The following SSPN variants were observed in gnomAD, a reference collection of about 807,000 sequenced individuals.
SSPN encodes the protein sarcospan.
Under a neutral mutation model 19.1 loss-of-function variants are expected in SSPN, and 15 were observed. The observed-to-expected ratio is 0.78, with a 90% CI of 0.52 to 1.21. The LOEUF is 1.21. SSPN is among the 50% of genes most tolerant of loss of function. SSPN has a pLI of 0.00. For synonymous variants in SSPN, 147 were observed against 140.3 expected (o/e 1.05, Z -0.34); for missense variants, 291 against 314.0 (o/e 0.93, Z 0.55).
chr12:26,142,355 CA>C (rs1565670806), intron 1 of SSPN, among the ~76,000 whole-genome samples: 1 of 152,076 alleles, frequency 6.6e-6, no homozygotes, highest in African/African-American at 2.4e-5. Context: ...AGGACAGTAA[CA>C]GTGAAAATGG....
chr12:26,162,930 T>C (rs145845050), intron 1 of SSPN, among the ~76,000 whole-genome samples: 1 of 152,062 alleles, frequency 6.6e-6, no homozygotes, highest in Admixed American at 6.6e-5. Flanking sequence ...ATTAAGTTGA[T>C]GAATTGGTAG....
intron 1 of SSPN, among the ~76,000 whole-genome samples, chr12:26,146,630 C>G (rs982928186): frequency 1.3e-5 from 2 of 152,074 alleles, no homozygotes; most frequent in African/African-American, 4.8e-5. Context: ...CAAGACCAGC[C>G]TGGCCAACAT....
chr12:26,145,979 G>A (rs1322818305), intron 1 of SSPN, among the ~76,000 whole-genome samples: 2 of 152,082 alleles, frequency 1.3e-5, no homozygotes, highest in Non-Finnish European at 2.9e-5. Context: ...TTCCTATGTC[G>A]ACCATTGCCC....
At chr12:26,172,738 T>G (rs1944660875) in intron 1 of SSPN, among the ~76,000 whole-genome samples, 1 of 152,120 alleles carries the variant, frequency 6.6e-6, no homozygotes, top group African/African-American at 2.4e-5. Flanking sequence ...TTTTTAATCA[T>G]TCTGTTACAT....
chr12:26,206,745 G>A (rs1438870105), intron 1 of SSPN, among the ~76,000 whole-genome samples: 2 of 152,100 alleles, frequency 1.3e-5, no homozygotes, highest in African/African-American at 4.8e-5. Context: ...TAACAATTCT[G>A]CCCCTCCTGT....
chr12:26,223,813 AT>A (rs1945148350), intron 1 of SSPN, among the ~76,000 whole-genome samples: 1 of 152,212 alleles, frequency 6.6e-6, no homozygotes, highest in South Asian at 2.1e-4. Flanking sequence ...TATTCAGCTA[AT>A]GTTAGTAATC....
intron 1 of SSPN, among the ~76,000 whole-genome samples, chr12:26,216,262 G>T (rs1161086208): frequency 6.6e-6 from 1 of 152,158 alleles, no homozygotes; most frequent in Non-Finnish European, 1.5e-5. Context: ...TTCTCAAAAG[G>T]TTCATCCCAG....
rs113044706 is a variant in SSPN, at chr12:26,145,924, A to C, written c.-31+23772A>C. Reference sequence around the variant, plus strand: ...GTCAGGACTTTGTGGACCCATGTACACATGTTCACCCATTGGCCACTTGGA... The same window carrying C: ...GTCAGGACTTTGTGGACCCATGTACCCATGTTCACCCATTGGCCACTTGGA... On this transcript the variant is annotated intron_variant, in intron 1 of 2. Transcript: ENST00000538142. Among the ~76,000 whole-genome samples the C allele has an allele frequency of 4.8e-3, 726 of 152,278 alleles. 4 individuals are homozygous for C. The highest frequency in any genetic ancestry group is 0.016 in the African/African-American group (680 of 41,548).
rs550252730 is a variant in SSPN, at chr12:26,228,302, G to A, written c.367-2409G>A. ...TAGTCCCAGTTACTCAGGAGGCTGA[G>A]GCATGAGAATCGCTTCAACCCAGGA... On this transcript the variant is annotated intron_variant, in intron 2 of 2. Coordinates refer to ENST00000242729, the MANE Select transcript of SSPN (RefSeq NM_005086.5). Among the ~76,000 whole-genome samples the A allele has an allele frequency of 9.2e-5, 14 of 151,910 alleles. 1 individual carries two copies. The South Asian group carries it at 2.9e-3, about 32-fold the overall frequency.
intron 1 of SSPN, among the ~76,000 whole-genome samples, chr12:26,147,544 T>A (rs935856130): frequency 3.9e-5 from 6 of 152,180 alleles, no homozygotes; most frequent in African/African-American, 1.4e-4. Context: ...GTGCTGAGAT[T>A]ACCAGCGTGA....
chr12:26,203,642 T>G (rs1944905600), intron 1 of SSPN, among the ~76,000 whole-genome samples: 1 of 152,242 alleles, frequency 6.6e-6, no homozygotes, highest in Non-Finnish European at 1.5e-5. Context: ...AAAATTCATA[T>G]GTGTACACCT....
At chr12:26,204,862 G>T (rs558809051) in intron 1 of SSPN, among the ~76,000 whole-genome samples, 1 of 152,224 alleles carries the variant, frequency 6.6e-6, no homozygotes, top group East Asian at 1.9e-4. Context: ...CATAACAATT[G>T]GTCCAATCTC....
chr12:26,122,801 G>T (rs1201877816), intron 1 of SSPN: 3 of 1,592,838 alleles, frequency 1.9e-6, no homozygotes, highest in South Asian at 2.3e-5. Context: ...AGCCGCTGTC[G>T]GTGTCCGTGT....
At chr12:26,152,789 T>A (rs1944533166) in intron 1 of SSPN, among the ~76,000 whole-genome samples, 1 of 152,220 alleles carries the variant, frequency 6.6e-6, no homozygotes, top group Non-Finnish European at 1.5e-5. Flanking sequence ...CCCTTCAACG[T>A]CTTCCTGTTG....
At chr12:26,197,135 T>C (rs765944393) in intron 1 of SSPN, among the ~76,000 whole-genome samples, 77 of 152,270 alleles carry the variant, frequency 5.1e-4, no homozygotes, top group Non-Finnish European at 9.9e-4. Context: ...TGACTCCTTG[T>C]CTCATATTGC....
In SSPN at chr12:26,195,761, A is replaced by G. The variant is rs775132825; in HGVS notation, c.89A>G (p.Lys30Arg). The G allele has an allele frequency of 2.7e-6, 4 of 1,495,892 alleles. No individual in the cohort carries two copies. Among genetic ancestry groups the G allele is most frequent in the East Asian group, 5.6e-5 (2 of 35,558 alleles). 92.7% of individuals were successfully genotyped at this position (1,495,892 alleles called of 1,614,324 possible). ...DAAGPDDMEPKKGTGAPKECG... is the reference protein window; with the variant it reads ...DAAGPDDMEPRKGTGAPKECG... ...GCTGGGCCCGACGACATGGAGCCGA[A>G]GAAGGGCACGGGGGCCCCCAAGGAG... The change falls in exon 1 of 3, where the codon AAG (lysine) becomes AGG (arginine). Residue 30 changes from lysine (K) to arginine (R), a missense_variant. Physicochemically the swap from Lys to Arg is conservative, Grantham distance 26. Around this residue, in one of 3 missense-constraint regions of SSPN, gnomAD observed 139 missense variants for 119.6 expected, o/e 1.16. Coordinates refer to ENST00000242729, the MANE Select transcript of SSPN (RefSeq NM_005086.5).
intron 1 of SSPN, chr12:26,122,436 G>A (rs1293749220): frequency 1.5e-6 from 2 of 1,355,440 alleles, no homozygotes; most frequent in Non-Finnish European, 1.9e-6. Context: ...CACGTAGGCG[G>A]CAGCTGCAGA....
intron 1 of SSPN, among the ~76,000 whole-genome samples, chr12:26,161,599 G>A (rs1031854511): frequency 2.0e-5 from 3 of 151,968 alleles, no homozygotes; most frequent in Admixed American, 6.5e-5. Context: ...TTTATTGTTA[G>A]CATCCCCAAA....
At chr12:26,138,225 T>C (rs75259246) in intron 1 of SSPN, among the ~76,000 whole-genome samples, 5,937 of 152,302 alleles carry the variant, frequency 0.039, 150 homozygotes, top group South Asian at 0.07. Flanking sequence ...TCGTTTCACA[T>C]ATTTTTGATC....
Sources: gnomAD v4.1 joint callset for allele counts (sites outside exome capture counted in the v4.1 genomes callset) on GRCh38, gnomAD v4.1.1 for gene constraint, gnomAD v4.1.1 regional missense constraint, MANE v1.5 for transcripts, NCBI Gene and HGNC (gene_info 2026-07-23, HGNC 2026-07-21) for gene names.